RBMS3: variants seen among roughly 807,000 people sequenced by gnomAD.
RBMS3 encodes the protein RNA binding motif single stranded interacting protein 3.
Under a neutral mutation model 66.8 loss-of-function variants are expected in RBMS3, and 27 were observed. The observed-to-expected ratio is 0.40, with a 90% CI of 0.30 to 0.56. The LOEUF is 0.56. Ranked by LOEUF, RBMS3 falls within the 20% of genes least tolerant of loss-of-function variation. RBMS3 has a pLI of 0.40. For missense variants in RBMS3, 513 were observed against 549.5 expected (o/e 0.93, Z 0.66); for synonymous variants, 188 against 183.0 (o/e 1.03, Z -0.22).
chr3:29,368,699 A>C (rs956554872), intron 1 of RBMS3, among the ~76,000 whole-genome samples: 1 of 152,164 alleles, frequency 6.6e-6, no homozygotes, highest in Non-Finnish European at 1.5e-5. Flanking sequence ...TATAGAGAAA[A>C]AGGAATGCTT....
At chr3:29,523,495 A>G (rs529115660) in intron 3 of RBMS3, among the ~76,000 whole-genome samples, 3 of 152,206 alleles carry the variant, frequency 2.0e-5, no homozygotes, top group East Asian at 3.9e-4. Flanking sequence ...CAGCATCCAC[A>G]GGGTCAAATA....
At chr3:29,346,564 C>T (rs1308292827) in intron 1 of RBMS3, among the ~76,000 whole-genome samples, 2 of 151,860 alleles carry the variant, frequency 1.3e-5, no homozygotes, top group African/African-American at 4.8e-5. Flanking sequence ...CCACCATGCC[C>T]AGCTAATTTT....
intron 1 of RBMS3, among the ~76,000 whole-genome samples, chr3:29,311,619 T>TCTCCTAGCA (rs2034379141): frequency 6.6e-6 from 1 of 151,774 alleles, no homozygotes; most frequent in Non-Finnish European, 1.5e-5. Flanking sequence ...AATTCACGTA[T>TCTCCTAGCA]TTGGAGAAAA....
intron 1 of RBMS3, among the ~76,000 whole-genome samples, chr3:29,310,490 A>G (rs1352516471): frequency 6.7e-6 from 1 of 149,900 alleles, no homozygotes; most frequent in Non-Finnish European, 1.5e-5. Context: ...CTTGAATCTG[A>G]GATTTCAATC....
At chr3:29,866,863 G>A (rs1002396891) in intron 6 of RBMS3, among the ~76,000 whole-genome samples, 1 of 152,176 alleles carries the variant, frequency 6.6e-6, no homozygotes, top group African/African-American at 2.4e-5. Context: ...AGGCTCATCA[G>A]AGCAGTCAGT....
At chr3:29,479,635 A>G (rs2043064257) in intron 2 of RBMS3, among the ~76,000 whole-genome samples, 1 of 152,192 alleles carries the variant, frequency 6.6e-6, no homozygotes, top group South Asian at 2.1e-4. Context: ...CAAAACATGG[A>G]ATTTAGTTTT....
At chr3:29,914,433 G>A (rs1393427821) in intron 10 of RBMS3, among the ~76,000 whole-genome samples, 4 of 151,844 alleles carry the variant, frequency 2.6e-5, no homozygotes, top group Non-Finnish European at 4.4e-5. Flanking sequence ...TCCTGCTGGA[G>A]AGAATAGATG....
intron 12 of RBMS3, among the ~76,000 whole-genome samples, chr3:29,946,820 G>T (rs993077812): frequency 6.6e-6 from 1 of 151,600 alleles, no homozygotes; most frequent in Non-Finnish European, 1.5e-5. Flanking sequence ...AGTAGTGGGG[G>T]TTCATTTGAA....
intron 6 of RBMS3, among the ~76,000 whole-genome samples, chr3:29,867,736 A>C (rs886543537): frequency 2.6e-5 from 4 of 151,580 alleles, no homozygotes; most frequent in African/African-American, 9.7e-5. Context: ...AGAGGGCTCC[A>C]CAATATTATA....
At chr3:29,283,156 A>G (rs1010534369) in intron 1 of RBMS3, among the ~76,000 whole-genome samples, 4 of 152,152 alleles carry the variant, frequency 2.6e-5, no homozygotes, top group African/African-American at 9.7e-5. Flanking sequence ...GAAAATTTAC[A>G]GTCATTTCTC....
At chr3:29,313,000 C>T (rs1173723297) in intron 1 of RBMS3, among the ~76,000 whole-genome samples, 2 of 151,754 alleles carry the variant, frequency 1.3e-5, no homozygotes. Context: ...ATGAGAGAGT[C>T]TGCCTTGTCT....
chr3:29,577,616 G>T (rs1196169887), intron 3 of RBMS3, among the ~76,000 whole-genome samples: 1 of 152,176 alleles, frequency 6.6e-6, no homozygotes, highest in Non-Finnish European at 1.5e-5. Context: ...TTCTTCTCTG[G>T]CTAGGTCTGG....
At chr3:29,786,336 AT>A (rs1157051651) in intron 6 of RBMS3, among the ~76,000 whole-genome samples, 3 of 151,940 alleles carry the variant, frequency 2.0e-5, no homozygotes, top group African/African-American at 7.3e-5. Flanking sequence ...CAGAAAAAAA[AT>A]AAAAAAATCC....
chr3:29,370,103 G>A (rs1262387123), intron 1 of RBMS3, among the ~76,000 whole-genome samples: 1 of 152,136 alleles, frequency 6.6e-6, no homozygotes, highest in South Asian at 2.1e-4. Flanking sequence ...TGTTCCAGGA[G>A]GTCTTTTTAA....
chr3:29,934,032 C>T (rs1367672547), intron 10 of RBMS3: 1 of 152,040 alleles, frequency 6.6e-6, no homozygotes, highest in Non-Finnish European at 1.5e-5. Flanking sequence ...AAAAAACACA[C>T]CCCTGGGGAA....
intron 4 of RBMS3, among the ~76,000 whole-genome samples, chr3:29,704,195 A>T (rs971843462): frequency 6.6e-6 from 1 of 152,212 alleles, no homozygotes; most frequent in African/African-American, 2.4e-5. Context: ...CGCTTGAATC[A>T]TCCCAAAACC....
At chr3:29,330,997 T>C (rs1303319483) in intron 1 of RBMS3, among the ~76,000 whole-genome samples, 2 of 152,160 alleles carry the variant, frequency 1.3e-5, no homozygotes, top group Non-Finnish European at 2.9e-5. Context: ...ATTAATGCAC[T>C]GATTTAGGGG....
chr3:29,759,714 C>A (rs1038391581), intron 5 of RBMS3, among the ~76,000 whole-genome samples: 2 of 43,510 alleles, frequency 4.6e-5, no homozygotes, highest in African/African-American at 1.4e-4. Flanking sequence ...TCTCTTTCCT[C>A]CCCCCCCAGA....
intron 7 of RBMS3, among the ~76,000 whole-genome samples, chr3:29,872,436 A>G (rs571083373): frequency 2.0e-5 from 3 of 152,230 alleles, no homozygotes; most frequent in Admixed American, 6.5e-5. Flanking sequence ...AAACATGTAG[A>G]GAAAAATCTA....
Sources: allele counts gnomAD v4.1 joint callset (sites outside exome capture counted in the v4.1 genomes callset), GRCh38; gene constraint gnomAD v4.1.1; transcripts MANE v1.5; gene names NCBI Gene and HGNC (gene_info 2026-07-23, HGNC 2026-07-21).